Variants in ATG7 observed in about 807,000 individuals in gnomAD.
ATG7 encodes the protein ubiquitin-like modifier-activating enzyme ATG7.
ATG7 carries 70 observed loss-of-function variants against 82.4 expected under a neutral mutation model. The ratio of observed to expected loss-of-function variants is 0.85; its 90% CI spans 0.70 to 1.04. The LOEUF is 1.04. Among genes scored for constraint, ATG7 ranks in the 50% least tolerant of loss-of-function variants. The pLI, the probability that ATG7 is intolerant of heterozygous loss-of-function variation, is 0.00. For synonymous variants in ATG7, 287 were observed against 313.0 expected, an observed-to-expected ratio of 0.92 and a Z score of 0.88; for missense variants, 792 against 864.3, an observed-to-expected ratio of 0.92 and a Z score of 1.05.
intron 20 of ATG7, among the ~76,000 whole-genome samples, chr3:11,443,911 C>G (rs929089364): frequency 6.6e-6 from 1 of 152,142 alleles, no homozygotes; most frequent in East Asian, 1.9e-4. Flanking sequence ...AAAAAATACT[C>G]TCGTTGCCCT....
At chr3:11,496,066 T>G (rs2443713) in intron 20 of ATG7, among the ~76,000 whole-genome samples, 131,972 of 152,226 alleles carry the variant, frequency 0.87, 57,553 homozygotes, top group East Asian at 1. Flanking sequence ...AGCAGGAGAG[T>G]TTAAGTGACA....
Position 11,292,258 on chromosome 3 carries a change from T to C in ATG7, c.-10-6428T>C, listed in dbSNP as rs868535574. On this transcript the variant is annotated intron_variant, in intron 3 of 20. Transcript: ENST00000693202. ...TATTTTTTTCTTTCTTTCTTTCTTT[T>C]TTTTTTTTTTTTGGAGACAGAGTCT... is the stretch of plus-strand genomic sequence containing the variant. 1.6e-3 allele frequency among the ~76,000 whole-genome samples: 237 copies of C among 150,174 alleles called. 1 individual carries two copies. The highest frequency in any genetic ancestry group is 6.0e-3 in the Admixed American group (91 of 15,112).
At chr3:11,364,554 G>A in intron 17 of ATG7, 105 bp from the exon 18 acceptor site, 3 of 1,264,822 alleles carry the variant, frequency 2.4e-6, no homozygotes, top group Admixed American at 3.6e-5. Flanking sequence ...CCAGCAAGGG[G>A]CATTTTAGTT....
intron 9 of ATG7, among the ~76,000 whole-genome samples, chr3:11,323,734 T>G (rs1267256268): frequency 6.6e-6 from 1 of 152,216 alleles, no homozygotes; most frequent in Non-Finnish European, 1.5e-5. Context: ...GAGCAACAAT[T>G]TATATGCTGT....
In ATG7 at chr3:11,556,501, T is replaced by TA; in HGVS notation, c.*1658_*1659insA. The TA allele has an allele frequency of 6.6e-6, 1 of 152,670 alleles. No homozygotes were observed. Among genetic ancestry groups the TA allele is most frequent in the East Asian group, 1.9e-4 (1 of 5,302 alleles). 9.5% of individuals were successfully genotyped at this position (152,670 alleles called of 1,614,324 possible). On this transcript the variant is annotated 3_prime_UTR_variant, in exon 21 of 21. Transcript: ENST00000693202. ...GTGGGTGGTTTTCCTGTTACGACGC[T>TA]CAGTAGCCTGTAGCAATAACAAACT...
At chr3:11,474,865 G>T (rs2087950289) in intron 20 of ATG7, among the ~76,000 whole-genome samples, 2 of 152,076 alleles carry the variant, frequency 1.3e-5, no homozygotes, top group African/African-American at 2.4e-5. Context: ...TAAGGATGGG[G>T]TGGGAGTGGG....
chr3:11,395,692 G>A (rs935642822), intron 19 of ATG7, among the ~76,000 whole-genome samples: 1 of 152,174 alleles, frequency 6.6e-6, no homozygotes, highest in East Asian at 1.9e-4. Flanking sequence ...TGTAATCCCA[G>A]CACTTTGGGA....
chr3:11,426,335 GA>G (rs2082360498), intron 19 of ATG7, among the ~76,000 whole-genome samples: 1 of 152,034 alleles, frequency 6.6e-6, no homozygotes, highest in Non-Finnish European at 1.5e-5. Context: ...CCTCTTTTGT[GA>G]AGTACCTATT....
intron 20 of ATG7, among the ~76,000 whole-genome samples, chr3:11,519,543 T>G (rs943444845): frequency 6.9e-3 from 348 of 50,270 alleles, no homozygotes; most frequent in South Asian, 0.023. Context: ...AGAGGAGTTT[T>G]TTTTTTTTTT....
At chr3:11,296,111 G>A (rs1234705232) in intron 3 of ATG7, among the ~76,000 whole-genome samples, 3 of 152,068 alleles carry the variant, frequency 2.0e-5, no homozygotes, top group East Asian at 3.9e-4. Context: ...CCCTAACTGC[G>A]GACATTCTCT....
rs199667100 is a variant in ATG7, at chr3:11,418,967, T to TC, written c.1957-7830dup. 4.9e-3 allele frequency among the ~76,000 whole-genome samples: 738 copies of TC among 150,998 alleles called. 4 individuals are homozygous for TC. The highest frequency in any genetic ancestry group is 0.015 in the African/African-American group (621 of 41,008). On this transcript the variant is annotated intron_variant, in intron 19 of 20. Coordinates refer to ENST00000693202, the MANE Select transcript of ATG7 (RefSeq NM_001349232.2). Reference sequence around the variant, plus strand: ...CAAGAACAGCATGGGAAACTGCCCCTCCCCCCCGATCCAGTCACCGCCCAC... The same window carrying TC: ...CAAGAACAGCATGGGAAACTGCCCCTCCCCCCCCGATCCAGTCACCGCCCAC...
chr3:11,285,062 G>A (rs1943740980), intron 3 of ATG7, among the ~76,000 whole-genome samples: 1 of 149,650 alleles, frequency 6.7e-6, no homozygotes, highest in Non-Finnish European at 1.5e-5. Context: ...GTGTTAGCCA[G>A]GATGGTCTTG....
chr3:11,281,059 C>A lies in ATG7; in HGVS notation c.-300C>A, dbSNP rs758499946. ...TAGAGCAGCCTTGTGAGAGACATTT[C>A]TGAGACCTGTATGTCCTGCGTCTAT... On this transcript the variant is annotated 5_prime_UTR_variant, in exon 2 of 21. It adds an upstream start codon to the 5' untranslated region. Transcript: ENST00000693202. 3.3e-5 allele frequency: 5 copies of A among 152,236 alleles called. No individual in the cohort carries two copies. Among genetic ancestry groups the A allele is most frequent in the Admixed American group, 1.3e-4 (2 of 15,288 alleles). The allele number at this position is 152,236 out of a possible 1,614,324, so 9.4% of individuals were successfully genotyped here.
At chr3:11,540,228 C>A (rs779385629) in intron 20 of ATG7, among the ~76,000 whole-genome samples, 5 of 152,222 alleles carry the variant, frequency 3.3e-5, no homozygotes, top group Non-Finnish European at 7.3e-5. Flanking sequence ...TAGTCCTTTT[C>A]ATTCTGGCCA....
At chr3:11,278,582 T>G (rs559055805) in intron 1 of ATG7, among the ~76,000 whole-genome samples, 2 of 152,164 alleles carry the variant, frequency 1.3e-5, no homozygotes, top group Non-Finnish European at 2.9e-5. Flanking sequence ...AAGACTGGTG[T>G]TAGAAAAACA....
At chr3:11,364,774 A>G (rs1261115833) in intron 18 of ATG7, 40 bp downstream of exon 18, 1 of 1,605,730 alleles carries the variant, frequency 6.2e-7, no homozygotes, top group South Asian at 1.1e-5. Flanking sequence ...CTTTTGGTAC[A>G]GGGGGAAAGC....
At chr3:11,441,011 GA>G (rs2083895885) in intron 20 of ATG7, among the ~76,000 whole-genome samples, 1 of 151,926 alleles carries the variant, frequency 6.6e-6, no homozygotes, top group Admixed American at 6.6e-5. Flanking sequence ...GCTATCTGGT[GA>G]AAAAAATTCA....
chr3:11,446,197 C>G (rs1294699567), intron 20 of ATG7, among the ~76,000 whole-genome samples: 1 of 150,598 alleles, frequency 6.6e-6, no homozygotes, highest in Non-Finnish European at 1.5e-5. Context: ...TCAGAATTAT[C>G]TAGGATGCTT....
At chr3:11,351,534 C>G (rs2075545144) in intron 14 of ATG7, among the ~76,000 whole-genome samples, 1 of 152,274 alleles carries the variant, frequency 6.6e-6, no homozygotes, top group Middle Eastern at 3.4e-3. Context: ...GAGGTGGGAG[C>G]AAGGGACGCC....
Sources: allele counts gnomAD v4.1 joint callset (sites outside exome capture counted in the v4.1 genomes callset), GRCh38; gene constraint gnomAD v4.1.1; transcripts MANE v1.5; gene names NCBI Gene and HGNC (gene_info 2026-07-23, HGNC 2026-07-21).